Variants in TTC6 observed in about 807,000 individuals in gnomAD.
The protein encoded by TTC6 is tetratricopeptide repeat protein 6.
In TTC6, 172 loss-of-function variants were observed where a neutral mutation model predicts 210.4. The observed-to-expected ratio is 0.82, with a 90% CI of 0.72 to 0.93. The LOEUF is 0.93. TTC6 is among the 40% of genes least tolerant of loss of function. TTC6 has a pLI of 0.00. For synonymous variants in TTC6, 804 were observed against 819.6 expected, an observed-to-expected ratio of 0.98 and a Z score of 0.32; for missense variants, 2,414 against 2,318.1, an observed-to-expected ratio of 1.04 and a Z score of -0.85.
intron 14 of TTC6, among the ~76,000 whole-genome samples, chr14:37,771,550 C>T (rs1269888450): frequency 6.6e-6 from 1 of 152,118 alleles, no homozygotes; most frequent in African/African-American, 2.4e-5. Context: ...TCATTTCATT[C>T]ATTTCTTCTT....
At chr14:37,790,998 T>G (rs2096077961) in intron 16 of TTC6, among the ~76,000 whole-genome samples, 161 bp downstream of exon 18, 1 of 152,190 alleles carries the variant, frequency 6.6e-6, no homozygotes, top group Non-Finnish European at 1.5e-5. Context: ...AAAACAAGAT[T>G]ACTTCAAAAA....
At chr14:37,637,720 G>GA (rs2095683739) in intron 1 of TTC6, among the ~76,000 whole-genome samples, 1 of 152,030 alleles carries the variant, frequency 6.6e-6, no homozygotes, top group Non-Finnish European at 1.5e-5. Flanking sequence ...TAAGCACATG[G>GA]AAAAATGTTT....
intron 10 of TTC6, among the ~76,000 whole-genome samples, chr14:37,747,395 G>A (rs560927535): frequency 3.9e-5 from 6 of 152,304 alleles, no homozygotes; most frequent in African/African-American, 9.6e-5. Flanking sequence ...AAGGAAACCA[G>A]AAATGATAAT....
chr14:37,671,685 T>C (rs1406226957), intron 1 of TTC6, among the ~76,000 whole-genome samples: 1 of 152,118 alleles, frequency 6.6e-6, no homozygotes, highest in East Asian at 1.9e-4. Flanking sequence ...TTTCCATCCT[T>C]CCTCAGTGAT....
intron 1 of TTC6, among the ~76,000 whole-genome samples, chr14:37,650,148 C>G (rs2095708603): frequency 6.6e-6 from 1 of 152,204 alleles, no homozygotes; most frequent in Admixed American, 6.5e-5. Flanking sequence ...TTTCCATTAC[C>G]TGGCACAGGT....
chr14:37,703,118 A>G (rs2095828628), intron 5 of TTC6, among the ~76,000 whole-genome samples: 1 of 152,024 alleles, frequency 6.6e-6, no homozygotes, highest in Admixed American at 6.6e-5. Context: ...AAATAAATAC[A>G]TAAACATAAT....
chr14:37,772,037 C>A (rs935532840), intron 14 of TTC6, among the ~76,000 whole-genome samples: 2 of 152,144 alleles, frequency 1.3e-5, no homozygotes, highest in African/African-American at 4.8e-5. Flanking sequence ...GGACCCTCAG[C>A]TGCAGGTCTG....
At chr14:37,620,578 C>A (rs1166959797), upstream of TTC6, among the ~76,000 whole-genome samples, 1 of 152,148 alleles carries the variant, frequency 6.6e-6, no homozygotes, top group African/African-American at 2.4e-5. Flanking sequence ...TTACTGCTAG[C>A]CTGGCTTTGT....
intron 10 of TTC6, among the ~76,000 whole-genome samples, chr14:37,743,748 C>A (rs1359167932): frequency 2.0e-5 from 3 of 152,222 alleles, no homozygotes; most frequent in African/African-American, 7.2e-5. Flanking sequence ...CCTCATTCAA[C>A]TCTGTTATCT....
At chr14:37,744,991 A>G (rs1309457330) in intron 10 of TTC6, among the ~76,000 whole-genome samples, 3 of 151,990 alleles carry the variant, frequency 2.0e-5, no homozygotes, top group Admixed American at 6.6e-5. Context: ...TGGGTTGGAT[A>G]TGGGATACAC....
chr14:37,789,791 A>G (rs1217549450), intron 15 of TTC6, among the ~76,000 whole-genome samples: 1 of 151,960 alleles, frequency 6.6e-6, no homozygotes, highest in African/African-American at 2.4e-5. Flanking sequence ...GTGGTGCATG[A>G]CTGTACTTCC....
chr14:37,601,965 T>C (rs1339350803), intron 1 of TTC6, among the ~76,000 whole-genome samples: 1 of 152,226 alleles, frequency 6.6e-6, no homozygotes, highest in Non-Finnish European at 1.5e-5. Context: ...GAAACATCGG[T>C]GTTTAAATAA....
chr14:37,634,149 G>A (rs1332847255), intron 1 of TTC6, among the ~76,000 whole-genome samples: 1 of 152,158 alleles, frequency 6.6e-6, no homozygotes, highest in Non-Finnish European at 1.5e-5. Context: ...TGACAGAGAT[G>A]TTGGAATTAT....
chr14:37,623,819 T>C (rs1472317799), intron 1 of TTC6, among the ~76,000 whole-genome samples: 1 of 152,174 alleles, frequency 6.6e-6, no homozygotes, highest in Admixed American at 6.5e-5. Flanking sequence ...CTAAGCTAGA[T>C]GGGGTCATAT....
chr14:37,648,613 C>A (rs1363467307), intron 1 of TTC6, among the ~76,000 whole-genome samples: 1 of 151,894 alleles, frequency 6.6e-6, no homozygotes, highest in Non-Finnish European at 1.5e-5. Context: ...AGAAACAGTT[C>A]GTATAAGAGA....
chr14:37,788,893 C>T (rs2096073434), intron 15 of TTC6, among the ~76,000 whole-genome samples: 1 of 152,108 alleles, frequency 6.6e-6, no homozygotes, highest in Non-Finnish European at 1.5e-5. Flanking sequence ...TGCCACTGGC[C>T]ACATCCCTTT....
chr14:37,769,336 T>A (rs1249381019), intron 14 of TTC6, among the ~76,000 whole-genome samples: 2 of 151,626 alleles, frequency 1.3e-5, no homozygotes, highest in African/African-American at 4.8e-5. Flanking sequence ...TAGGGAGGAT[T>A]CCCTCTTTTT....
exon 18 of TTC6, chr14:37,795,272 G>A (rs1348204511): frequency 6.5e-7 from 1 of 1,528,722 alleles, no homozygotes; most frequent in African/African-American, 1.4e-5. Flanking sequence ...CTCAACAGTT[G>A]CATAAATTGA....
chr14:37,694,167 G>T (rs1470345760), intron 3 of TTC6, among the ~76,000 whole-genome samples: 1 of 152,058 alleles, frequency 6.6e-6, no homozygotes, highest in Non-Finnish European at 1.5e-5. Context: ...AAAGTGAAGA[G>T]ACAACCCACA....
Sources: gnomAD v4.1 joint callset for allele counts (sites outside exome capture counted in the v4.1 genomes callset) on GRCh38, gnomAD v4.1.1 for gene constraint, MANE v1.5 for transcripts, NCBI Gene and HGNC (gene_info 2026-07-23, HGNC 2026-07-21) for gene names.